The following CNTN5 variants were observed in gnomAD, a reference collection of about 807,000 sequenced individuals.
The protein encoded by CNTN5 is contactin-5.
In CNTN5, 77 loss-of-function variants were observed where a neutral mutation model predicts 129.1. The ratio of observed to expected loss-of-function variants is 0.60; its 90% confidence interval spans 0.50 to 0.72. The LOEUF is 0.72. CNTN5 is among the 30% of genes least tolerant of loss of function. The pLI is 0.00. For missense variants in CNTN5, 1,478 were observed against 1,328.8 expected, an observed-to-expected ratio of 1.11 and a Z score of -1.75; for synonymous variants, 509 against 465.6, an observed-to-expected ratio of 1.09 and a Z score of -1.20.
At chr11:100,299,464 T>G in intron 20 of CNTN5, 68 bp downstream of exon 20, 1 of 924,890 alleles carries the variant, frequency 1.1e-6, no homozygotes, top group Admixed American at 2.9e-5. Context: ...TCAGACACCT[T>G]TGTACACATA....
At chr11:99,777,424 T>C (rs1241803264) in intron 3 of CNTN5, among the ~76,000 whole-genome samples, 1 of 151,838 alleles carries the variant, frequency 6.6e-6, no homozygotes, top group African/African-American at 2.4e-5. Flanking sequence ...AAATCACGAA[T>C]GTATAAATGC....
chr11:99,500,810 T>C (rs1459011314), intron 2 of CNTN5, among the ~76,000 whole-genome samples: 1 of 152,176 alleles, frequency 6.6e-6, no homozygotes, highest in Non-Finnish European at 1.5e-5. Context: ...TGTAGATTAC[T>C]GAACTGAAAT....
At chr11:99,306,017 A>G (rs1453976160) in intron 1 of CNTN5, among the ~76,000 whole-genome samples, 1 of 152,122 alleles carries the variant, frequency 6.6e-6, no homozygotes, top group Non-Finnish European at 1.5e-5. Context: ...ATCTTGAAAG[A>G]TGTCTAGAAG....
At chr11:99,198,060 C>A (rs558097948) in intron 1 of CNTN5, among the ~76,000 whole-genome samples, 1 of 152,090 alleles carries the variant, frequency 6.6e-6, no homozygotes, top group African/African-American at 2.4e-5. Context: ...CTATTCCCAG[C>A]TCAATGTAGA....
At position 99,714,755 on chromosome 11, in the gene CNTN5, C is replaced by A. The variant is rs892611968; in HGVS notation, c.56-104789C>A. 2.6e-5 allele frequency among the ~76,000 whole-genome samples: 4 copies of A among 151,508 alleles called. No individual in the cohort carries two copies. In the East Asian group the frequency reaches 7.8e-4, roughly 30 times the overall value. On this transcript the variant is annotated intron_variant, in intron 3 of 24. Transcript: ENST00000524871. ...AAATCCCATGTTCACCATATTCTGC[C>A]TAATTGAAAAGGGATTATCATTTGT...
intron 9 of CNTN5, among the ~76,000 whole-genome samples, chr11:100,024,599 G>A (rs560951077): frequency 2.6e-5 from 4 of 152,178 alleles, no homozygotes; most frequent in Non-Finnish European, 4.4e-5. Flanking sequence ...AATGCTGATA[G>A]TGATATGGAC....
chr11:100,288,417 C>A (rs1483535255), intron 18 of CNTN5, among the ~76,000 whole-genome samples: 7 of 152,152 alleles, frequency 4.6e-5, no homozygotes, highest in Non-Finnish European at 8.8e-5. Flanking sequence ...ATCTCTCAGA[C>A]CACAGTGCAA....
At chr11:99,952,553 T>G (rs1331834507) in intron 7 of CNTN5, among the ~76,000 whole-genome samples, 5 of 152,096 alleles carry the variant, frequency 3.3e-5, no homozygotes, top group Admixed American at 6.6e-5. Flanking sequence ...TTTTTTTGAT[T>G]TGGGGTCTAA....
chr11:100,229,287 C>T (rs922322557), intron 16 of CNTN5, among the ~76,000 whole-genome samples: 1 of 152,178 alleles, frequency 6.6e-6, no homozygotes. Context: ...ATTTATGTTT[C>T]TATTTGAATT....
intron 3 of CNTN5, among the ~76,000 whole-genome samples, chr11:99,600,917 C>A (rs75545956): frequency 3.9e-5 from 6 of 152,142 alleles, no homozygotes; most frequent in Non-Finnish European, 8.8e-5. Context: ...CACTGAATTT[C>A]GTTGACACTG....
At chr11:99,802,516 T>G (rs2135484989) in intron 3 of CNTN5, among the ~76,000 whole-genome samples, 1 of 152,296 alleles carries the variant, frequency 6.6e-6, no homozygotes, top group Non-Finnish European at 1.5e-5. Flanking sequence ...CATGGAGCTG[T>G]GAAACCTTCT....
intron 1 of CNTN5, among the ~76,000 whole-genome samples, chr11:99,290,248 G>A (rs1191539083): frequency 6.6e-6 from 1 of 151,824 alleles, no homozygotes; most frequent in Non-Finnish European, 1.5e-5. Flanking sequence ...AGAAGATATG[G>A]AAGCTTGCAT....
intron 3 of CNTN5, among the ~76,000 whole-genome samples, chr11:99,610,965 CCAAAG>C (rs1311649371): frequency 3.3e-5 from 5 of 152,122 alleles, no homozygotes; most frequent in Non-Finnish European, 7.4e-5. Flanking sequence ...CGCGTGCACA[CCAAAG>C]CAAATCATTG....
chr11:99,044,152 A>T (rs4570548), intron 1 of CNTN5, among the ~76,000 whole-genome samples: 20,699 of 152,184 alleles, frequency 0.14, 1,537 homozygotes, highest in East Asian at 0.33. Flanking sequence ...AGATTATTAC[A>T]TGCATGAAAA....
chr11:99,330,473 A>T (rs889943774), intron 2 of CNTN5, among the ~76,000 whole-genome samples: 2 of 152,204 alleles, frequency 1.3e-5, no homozygotes, highest in Non-Finnish European at 2.9e-5. Flanking sequence ...ATGATTGCGT[A>T]GTATTGTGCT....
chr11:99,906,102 C>T (rs1442184931), intron 6 of CNTN5, among the ~76,000 whole-genome samples: 1 of 152,166 alleles, frequency 6.6e-6, no homozygotes, highest in Non-Finnish European at 1.5e-5. Context: ...TTGACTTCCT[C>T]TCTGCCTATT....
At chr11:99,114,960 G>C (rs368410277) in intron 1 of CNTN5, among the ~76,000 whole-genome samples, 32 of 152,250 alleles carry the variant, frequency 2.1e-4, no homozygotes, top group Middle Eastern at 3.4e-3. Context: ...AAACTCTTAC[G>C]AAGGGGATTA....
intron 6 of CNTN5, among the ~76,000 whole-genome samples, chr11:99,889,239 G>A (rs1443153307): frequency 6.6e-6 from 1 of 151,720 alleles, no homozygotes; most frequent in Non-Finnish European, 1.5e-5. Context: ...AAGAAAGACT[G>A]GATGTTGTCA....
chr11:99,429,115 T>A (rs1054570922), intron 2 of CNTN5, among the ~76,000 whole-genome samples: 1 of 152,180 alleles, frequency 6.6e-6, no homozygotes, highest in Non-Finnish European at 1.5e-5. Context: ...TCTGAGGACA[T>A]TTCTAATTTT....
Sources: gnomAD v4.1 joint callset for allele counts (sites outside exome capture counted in the v4.1 genomes callset) on GRCh38, gnomAD v4.1.1 for gene constraint, MANE v1.5 for transcripts, NCBI Gene and HGNC (gene_info 2026-07-23, HGNC 2026-07-21) for gene names.